The following MAF variants were observed in gnomAD, a reference collection of about 807,000 sequenced individuals.
MAF encodes the protein MAF bZIP transcription factor.
MAF carries 10 observed loss-of-function variants against 22.0 expected under a neutral mutation model. The observed-to-expected ratio is 0.45, with a 90% CI of 0.28 to 0.77. MAF has a LOEUF of 0.77. MAF is among the 30% of genes least tolerant of loss of function. The pLI, the probability that MAF is intolerant of heterozygous loss-of-function variation, is 0.12. For synonymous variants in MAF, 337 were observed against 255.8 expected (o/e 1.32, Z -3.03); for missense variants, 544 against 548.4 (o/e 0.99, Z 0.08).
chr16:79,213,697 G>C, the MAF span, among the ~76,000 whole-genome samples: 23 of 152,332 alleles, frequency 1.5e-4, no homozygotes, highest in Non-Finnish European at 3.1e-4. Flanking sequence ...CAGTTAGTTA[G>C]TTAGACATGT....
the MAF span, among the ~76,000 whole-genome samples, chr16:79,455,777 G>A: frequency 6.6e-6 from 1 of 152,166 alleles, no homozygotes; most frequent in Non-Finnish European, 1.5e-5. Flanking sequence ...CAACACTTTG[G>A]GGGACCAAGG....
At chr16:79,424,956 C>T in the MAF span, among the ~76,000 whole-genome samples, 1 of 152,062 alleles carries the variant, frequency 6.6e-6, no homozygotes, top group East Asian at 1.9e-4. Flanking sequence ...ATGCCACCAC[C>T]CAGAAAGGAC....
At chr16:79,433,553 A>C in the MAF span, among the ~76,000 whole-genome samples, 14 of 151,952 alleles carry the variant, frequency 9.2e-5, no homozygotes, top group African/African-American at 3.4e-4. Flanking sequence ...ATCTGAAAAT[A>C]ATGGACAGAA....
intron 1 of MAF, chr16:79,596,278 T>A: frequency 9.4e-7 from 1 of 1,060,122 alleles, no homozygotes. Flanking sequence ...AATGAGGTCA[T>A]AATTTACATC....
the MAF span, among the ~76,000 whole-genome samples, chr16:79,418,924 T>C: frequency 1.3e-5 from 2 of 152,162 alleles, no homozygotes; most frequent in Non-Finnish European, 2.9e-5. Context: ...TTCCCCATAA[T>C]AAAAGAACAG....
the MAF span, among the ~76,000 whole-genome samples, chr16:79,244,260 C>G: frequency 6.6e-6 from 1 of 151,966 alleles, no homozygotes; most frequent in Admixed American, 6.6e-5. Flanking sequence ...CAAATAGGAA[C>G]AGAGGGAGTC....
the MAF span, among the ~76,000 whole-genome samples, chr16:79,402,086 C>T: frequency 6.6e-6 from 1 of 152,182 alleles, no homozygotes; most frequent in Non-Finnish European, 1.5e-5. Flanking sequence ...TCAATTCAGA[C>T]TCTGTCATTC....
the MAF span, among the ~76,000 whole-genome samples, chr16:79,316,308 G>T: frequency 6.6e-6 from 1 of 152,176 alleles, no homozygotes; most frequent in East Asian, 1.9e-4. Flanking sequence ...CTTTCAGCTT[G>T]TGCAATGTTC....
the MAF span, among the ~76,000 whole-genome samples, chr16:79,361,758 C>T: frequency 6.6e-6 from 1 of 151,814 alleles, no homozygotes; most frequent in African/African-American, 2.4e-5. Flanking sequence ...TGCTGAATCC[C>T]CCACAAGCTG....
chr16:79,446,264 G>C, the MAF span, among the ~76,000 whole-genome samples: 2 of 152,084 alleles, frequency 1.3e-5, no homozygotes, highest in Non-Finnish European at 2.9e-5. Flanking sequence ...CTGAAATCTT[G>C]GGTTCTAAGA....
chr16:79,396,235 G>A, the MAF span, among the ~76,000 whole-genome samples: 9 of 152,126 alleles, frequency 5.9e-5, no homozygotes, highest in Admixed American at 1.3e-4. Flanking sequence ...AGGCTTGGAC[G>A]CAGAAGCCAT....
the MAF span, among the ~76,000 whole-genome samples, chr16:79,352,224 G>C: frequency 1.3e-5 from 2 of 152,174 alleles, no homozygotes; most frequent in African/African-American, 4.8e-5. Flanking sequence ...TTAGGGCCAA[G>C]CTCCGGGCAA....
the MAF span, among the ~76,000 whole-genome samples, chr16:79,510,591 T>C: frequency 6.6e-6 from 1 of 152,106 alleles, no homozygotes; most frequent in South Asian, 2.1e-4. Flanking sequence ...AAAGGGACAA[T>C]GGAAAGCCAC....
chr16:79,407,256 C>T, the MAF span, among the ~76,000 whole-genome samples: 2 of 152,174 alleles, frequency 1.3e-5, no homozygotes, highest in Non-Finnish European at 2.9e-5. Context: ...CATTAACCCA[C>T]CTCCAGACGG....
At chr16:79,249,274 C>A in the MAF span, among the ~76,000 whole-genome samples, 1 of 152,082 alleles carries the variant, frequency 6.6e-6, no homozygotes, top group Non-Finnish European at 1.5e-5. Context: ...ACAAAAGTAG[C>A]CGGATGTGGT....
chr16:79,370,520 A>G, the MAF span, among the ~76,000 whole-genome samples: 2 of 152,314 alleles, frequency 1.3e-5, no homozygotes, highest in East Asian at 1.9e-4. Flanking sequence ...TTCTCTCTAA[A>G]GATATGAGCA....
At chr16:79,595,508 G>C in intron 1 of MAF, 1 of 1,059,664 alleles carries the variant, frequency 9.4e-7, no homozygotes, top group Non-Finnish European at 1.1e-6. Context: ...CATTCTATTG[G>C]TGTGCTAGGG....
the MAF span, among the ~76,000 whole-genome samples, chr16:79,562,713 C>T: frequency 6.6e-6 from 1 of 152,104 alleles, no homozygotes; most frequent in African/African-American, 2.4e-5. Context: ...AGAAGGCCAC[C>T]CACTCACCAC....
chr16:79,387,549 A>G, the MAF span, among the ~76,000 whole-genome samples: 3 of 152,142 alleles, frequency 2.0e-5, no homozygotes, highest in Non-Finnish European at 4.4e-5. Context: ...GGGTAAGGCA[A>G]TGGCGACCAG....
Sources: gnomAD v4.1 joint callset for allele counts (sites outside exome capture counted in the v4.1 genomes callset) on GRCh38, gnomAD v4.1.1 for gene constraint, MANE v1.5 for transcripts, NCBI Gene and HGNC (gene_info 2026-07-23, HGNC 2026-07-21) for gene names.